PODXL2: variants seen among roughly 807,000 people sequenced by gnomAD.
PODXL2 encodes podocalyxin-like protein 2.
A neutral mutation model predicts 53.4 loss-of-function variants in PODXL2; 17 were observed. The observed-to-expected ratio is 0.32, with a 90% CI of 0.22 to 0.48. The LOEUF is 0.48. Among genes scored for constraint, PODXL2 ranks in the 20% least tolerant of loss-of-function variants. The pLI is 0.99. For missense variants in PODXL2, 673 were observed against 760.0 expected (o/e 0.89, Z 1.35); for synonymous variants, 311 against 306.7 (o/e 1.01, Z -0.15).
chr3:127,649,928 CTT>C (rs1491458218), intron 2 of PODXL2, among the ~76,000 whole-genome samples: 1 of 152,232 alleles, frequency 6.6e-6, no homozygotes, highest in African/African-American at 2.4e-5. Context: ...CAGAACAAGA[CTT>C]TGTCTTAAAT....
intron 1 of PODXL2, among the ~76,000 whole-genome samples, chr3:127,633,215 C>G (rs2074557470): frequency 6.6e-6 from 1 of 152,208 alleles, no homozygotes; most frequent in African/African-American, 2.4e-5. Flanking sequence ...GCTCTGGCTT[C>G]TTTCCCTGGC....
intron 2 of PODXL2, among the ~76,000 whole-genome samples, chr3:127,647,335 A>G (rs2074662836): frequency 6.6e-6 from 1 of 152,178 alleles, no homozygotes; most frequent in Admixed American, 6.5e-5. Flanking sequence ...AATGATTAGG[A>G]GCAGTCTCTC....
chr3:127,651,999 G>A (rs972760900), intron 2 of PODXL2, among the ~76,000 whole-genome samples: 15 of 152,232 alleles, frequency 9.9e-5, no homozygotes, highest in Non-Finnish European at 2.2e-4. Flanking sequence ...CGGCCACAAA[G>A]GTACGGGCAG....
At position 127,662,260 on chromosome 3, in the gene PODXL2, T is replaced by G; in HGVS notation, c.1155T>G (p.Asn385Lys). The change falls in exon 4 of 8, where the codon AAT becomes AAG. Residue 385 changes from asparagine to lysine, a missense_variant. Transcript: ENST00000342480. Reference protein sequence around the residue: ...STQVICKDWSNLAGKNYIILN... With the variant: ...STQVICKDWSKLAGKNYIILN... ...AGGTGATCTGCAAGGACTGGAGCAA[T>G]CTGGCTGGGAAAAACTACATCATTC... The G allele has an allele frequency of 6.2e-7, 1 of 1,614,086 alleles. No homozygotes were observed. The highest frequency in any genetic ancestry group is 1.7e-4 in the Middle Eastern group (1 of 6,060).
intron 2 of PODXL2, among the ~76,000 whole-genome samples, chr3:127,652,561 C>T (rs1366344381): frequency 6.6e-6 from 1 of 152,170 alleles, no homozygotes; most frequent in Non-Finnish European, 1.5e-5. Flanking sequence ...CCCTGGAGGG[C>T]TTGAGCCTTG....
At chr3:127,657,174 A>G (rs1340082633) in intron 2 of PODXL2, among the ~76,000 whole-genome samples, 1 of 152,168 alleles carries the variant, frequency 6.6e-6, no homozygotes, top group Non-Finnish European at 1.5e-5. Flanking sequence ...GAGGCTGTAC[A>G]CAGTTTAGGG....
In PODXL2 at chr3:127,672,433, C is replaced by G; in HGVS notation, c.1771C>G (p.Arg591Gly). ...GSWGALMGGK[R>G]DPEDSDVFEE... ...CTGGGGGGCGCTCATGGGGGGCAAG[C>G]GGGACCCCGAGGACTCGGACGTGTT... The change falls in exon 8 of 8, where the codon CGG (arginine) becomes GGG (glycine). Residue 591 changes from arginine (R) to glycine (G), a missense_variant. Around this residue, in one of 3 missense-constraint regions of PODXL2, gnomAD observed 79 missense variants for 70.5 expected, o/e 1.12. Transcript: ENST00000342480. 1 of 1,539,646 alleles carries G rather than the reference C, an allele frequency of 6.5e-7. No individual in the cohort carries two copies. Among genetic ancestry groups the G allele is most frequent in the Non-Finnish European group, 8.7e-7 (1 of 1,144,814 alleles).
intron 6 of PODXL2, among the ~76,000 whole-genome samples, chr3:127,669,711 G>A (rs550057035): frequency 1.3e-5 from 2 of 152,310 alleles, no homozygotes; most frequent in East Asian, 1.9e-4. Context: ...GAGATGCGGC[G>A]CCTGGGGGCC....
At chr3:127,638,730 TA>T (rs1183337108) in intron 1 of PODXL2, among the ~76,000 whole-genome samples, 2 of 151,908 alleles carry the variant, frequency 1.3e-5, no homozygotes, top group African/African-American at 4.8e-5. Flanking sequence ...AAATAAAAAA[TA>T]AAAAAACTAA....
intron 7 of PODXL2, 73 bp downstream of exon 7, chr3:127,671,686 A>C: frequency 7.1e-7 from 1 of 1,417,010 alleles, no homozygotes; most frequent in South Asian, 1.2e-5. Context: ...CCTCATCTGC[A>C]AGGGGAGGCA....
intron 2 of PODXL2, among the ~76,000 whole-genome samples, chr3:127,640,680 G>A (rs554387542): frequency 1.9e-4 from 29 of 149,236 alleles, no homozygotes; most frequent in African/African-American, 6.4e-4. Context: ...CAGCCTGGGC[G>A]ACAAGAACAA....
intron 2 of PODXL2, 71 bp downstream of exon 2, chr3:127,639,594 T>A: frequency 7.2e-7 from 1 of 1,391,598 alleles, no homozygotes; most frequent in South Asian, 1.4e-5. Flanking sequence ...CAGGTGACCA[T>A]TTCCTTGCCA....
At chr3:127,657,183 G>A (rs769798545) in intron 2 of PODXL2, among the ~76,000 whole-genome samples, 2 of 152,176 alleles carry the variant, frequency 1.3e-5, no homozygotes, top group African/African-American at 2.4e-5. Context: ...CACAGTTTAG[G>A]GAGTTCTGTT....
intron 2 of PODXL2, among the ~76,000 whole-genome samples, chr3:127,650,292 G>A (rs2074680274): frequency 6.6e-6 from 1 of 152,186 alleles, no homozygotes; most frequent in African/African-American, 2.4e-5. Context: ...AACCTATACA[G>A]AACTGTGATG....
At chr3:127,663,103 C>G (rs2074777469) in intron 4 of PODXL2, among the ~76,000 whole-genome samples, 1 of 152,212 alleles carries the variant, frequency 6.6e-6, no homozygotes, top group African/African-American at 2.4e-5. Flanking sequence ...AAAGAATAAA[C>G]TTCCAGTCTT....
chr3:127,664,183 A>G (rs2074782926), intron 4 of PODXL2, among the ~76,000 whole-genome samples: 2 of 152,114 alleles, frequency 1.3e-5, no homozygotes, highest in South Asian at 4.1e-4. Context: ...TGCACCCACC[A>G]TTCTCCTTTT....
intron 2 of PODXL2, among the ~76,000 whole-genome samples, chr3:127,658,066 CTTAT>C (rs2074737075): frequency 5.3e-5 from 8 of 152,246 alleles, no homozygotes; most frequent in Admixed American, 3.3e-4. Flanking sequence ...TTCTTTCTTT[CTTAT>C]TTATCTGTAG....
chr3:127,661,225 C>G, intron 3 of PODXL2, 66 bp downstream of exon 3: 1 of 1,271,130 alleles, frequency 7.9e-7, no homozygotes, highest in Admixed American at 1.9e-5. Flanking sequence ...ATCCCCAGGG[C>G]TAGTGTGGCA....
At chr3:127,671,680 A>C in intron 7 of PODXL2, 67 bp downstream of exon 7, 1 of 1,463,310 alleles carries the variant, frequency 6.8e-7, no homozygotes, top group Non-Finnish European at 9.5e-7. Context: ...AGGTGTCCTC[A>C]TCTGCAAGGG....
Sources: gnomAD v4.1 joint callset for allele counts (sites outside exome capture counted in the v4.1 genomes callset) on GRCh38, gnomAD v4.1.1 for gene constraint, gnomAD v4.1.1 regional missense constraint, MANE v1.5 for transcripts, NCBI Gene and HGNC (gene_info 2026-07-23, HGNC 2026-07-21) for gene names.